ARB2A: variants seen among roughly 807,000 people sequenced by gnomAD.
ARB2A encodes cotranscriptional regulator ARB2A.
At chr5:94,050,941 G>C in the ARB2A span, 2 of 755,936 alleles carry the variant, frequency 2.6e-6, no homozygotes. Context: ...TCTCAGAACA[G>C]TTTATCTTTT....
At chr5:93,800,650 A>C in the ARB2A span, among the ~76,000 whole-genome samples, 2 of 152,166 alleles carry the variant, frequency 1.3e-5, no homozygotes, top group African/African-American at 4.8e-5. Context: ...TAGAGATTAC[A>C]GGTGGTGCTA....
At chr5:94,076,844 A>C in the ARB2A span, among the ~76,000 whole-genome samples, 17 of 152,020 alleles carry the variant, frequency 1.1e-4, no homozygotes, top group Non-Finnish European at 2.4e-4. Context: ...ATTATTTTTC[A>C]TTGGCCCCAA....
chr5:93,803,728 A>AG, the ARB2A span, among the ~76,000 whole-genome samples: 20 of 151,394 alleles, frequency 1.3e-4, no homozygotes, highest in Non-Finnish European at 2.4e-4. Context: ...AAAAAAAAAA[A>AG]AGAGAAAAGC....
the ARB2A span, among the ~76,000 whole-genome samples, chr5:93,768,579 G>A: frequency 6.7e-6 from 1 of 150,102 alleles, no homozygotes; most frequent in Admixed American, 6.7e-5. Context: ...TATATACTAT[G>A]TGTGTGTGTG....
the ARB2A span, among the ~76,000 whole-genome samples, chr5:94,075,880 G>A: frequency 1.3e-5 from 2 of 152,140 alleles, no homozygotes; most frequent in African/African-American, 4.8e-5. Flanking sequence ...TGTGCTATAA[G>A]AGAAAGGGCA....
chr5:93,660,750 A>G, the ARB2A span, among the ~76,000 whole-genome samples: 1 of 152,162 alleles, frequency 6.6e-6, no homozygotes, highest in Non-Finnish European at 1.5e-5. Flanking sequence ...GAGGGATTAC[A>G]GACAGGGGTA....
At chr5:94,102,869 T>C in the ARB2A span, among the ~76,000 whole-genome samples, 1 of 152,122 alleles carries the variant, frequency 6.6e-6, no homozygotes, top group Non-Finnish European at 1.5e-5. Context: ...TTATTCAGCA[T>C]TCTTAAAGAA....
At chr5:93,866,692 C>T in the ARB2A span, among the ~76,000 whole-genome samples, 16 of 152,296 alleles carry the variant, frequency 1.1e-4, no homozygotes, top group African/African-American at 3.6e-4. Flanking sequence ...AACTGTAAGA[C>T]TTCCATATGC....
the ARB2A span, among the ~76,000 whole-genome samples, chr5:94,012,208 C>A: frequency 6.6e-6 from 1 of 152,072 alleles, no homozygotes; most frequent in Non-Finnish European, 1.5e-5. Flanking sequence ...CAAGACCATC[C>A]TGGCTAACAC....
At chr5:93,620,625 A>G in the ARB2A span, 4 of 187,504 alleles carry the variant, frequency 2.1e-5, no homozygotes, top group African/African-American at 4.7e-5. Context: ...CGGCTCCGCT[A>G]CGGCGGGCGC....
At chr5:93,682,961 C>T in the ARB2A span, 1 of 1,582,246 alleles carries the variant, frequency 6.3e-7, no homozygotes, top group African/African-American at 1.3e-5. Context: ...TTTTTCTATA[C>T]TTGCTTGCAT....
At chr5:93,930,790 TA>T in the ARB2A span, among the ~76,000 whole-genome samples, 3 of 152,230 alleles carry the variant, frequency 2.0e-5, no homozygotes, top group Admixed American at 1.3e-4. Flanking sequence ...AAACTGTTGT[TA>T]AAAATTGTTG....
the ARB2A span, among the ~76,000 whole-genome samples, chr5:93,823,898 C>T: frequency 3.9e-5 from 6 of 151,938 alleles, no homozygotes; most frequent in South Asian, 4.2e-4. Flanking sequence ...GAGGTTGCAG[C>T]GAGCTGAGAT....
At chr5:93,867,474 G>C in the ARB2A span, among the ~76,000 whole-genome samples, 1 of 152,100 alleles carries the variant, frequency 6.6e-6, no homozygotes, top group Non-Finnish European at 1.5e-5. Flanking sequence ...CTGGAGTGCA[G>C]TGATGCGATC....
At chr5:93,820,769 T>G in the ARB2A span, among the ~76,000 whole-genome samples, 1 of 152,154 alleles carries the variant, frequency 6.6e-6, no homozygotes, top group East Asian at 1.9e-4. Context: ...GTTCTTTCCT[T>G]TTGTCTTTAA....
chr5:93,772,767 T>C, the ARB2A span, among the ~76,000 whole-genome samples: 7 of 152,212 alleles, frequency 4.6e-5, no homozygotes, highest in African/African-American at 1.4e-4. Context: ...TTTGGCCTGA[T>C]ATACCAGTTC....
the ARB2A span, chr5:93,739,370 T>C: frequency 6.6e-6 from 1 of 152,064 alleles, no homozygotes; most frequent in Admixed American, 6.5e-5. Flanking sequence ...AACTAGGGAA[T>C]AAAAATTGTA....
At chr5:93,688,799 C>T in the ARB2A span, among the ~76,000 whole-genome samples, 1 of 152,098 alleles carries the variant, frequency 6.6e-6, no homozygotes, top group Admixed American at 6.6e-5. Context: ...GATGCTTCTG[C>T]CCTATTACCC....
the ARB2A span, among the ~76,000 whole-genome samples, chr5:94,003,190 G>A: frequency 6.6e-5 from 10 of 152,048 alleles, no homozygotes; most frequent in Non-Finnish European, 1.2e-4. Context: ...ATACAGTCAC[G>A]TATTCAATTA....
Sources: allele counts gnomAD v4.1 joint callset (sites outside exome capture counted in the v4.1 genomes callset), GRCh38; gene constraint gnomAD v4.1.1; transcripts MANE v1.5; gene names NCBI Gene and HGNC (gene_info 2026-07-23, HGNC 2026-07-21).